Variants in MRPL1 observed in about 807,000 individuals in gnomAD.
The protein encoded by MRPL1 is mitochondrial ribosomal protein L1, also known as large ribosomal subunit protein uL1m.
In MRPL1, 28 loss-of-function variants were observed where a neutral mutation model predicts 38.0. The observed-to-expected ratio is 0.74, with a 90% confidence interval of 0.55 to 1.01. MRPL1 has a LOEUF of 1.01. MRPL1 is among the 50% of genes least tolerant of loss of function. The pLI is 0.00. For missense variants in MRPL1, 358 were observed against 389.8 expected (o/e 0.92, Z 0.69); for synonymous variants, 123 against 126.7 (o/e 0.97, Z 0.20).
chr4:77,883,337 G>A lies in MRPL1; in HGVS notation c.239G>A (p.Gly80Asp), dbSNP rs755691508. ...EKIKAYPYMEGEPEDDVYLKR... is the reference protein window; with the variant it reads ...EKIKAYPYMEDEPEDDVYLKR... Reference sequence around the variant, plus strand: ...ATAAAAGCATATCCCTATATGGAAGGCGAACCTGAGGATGATGTCTATTTA... The same window carrying A: ...ATAAAAGCATATCCCTATATGGAAGACGAACCTGAGGATGATGTCTATTTA... The change falls in exon 3 of 9, where the codon GGC (glycine) becomes GAC (aspartate). Residue 80 changes from glycine (G) to aspartate (D), a missense_variant. By Grantham distance (94) the Gly-to-Asp change is moderately conservative (BLOSUM62 -1). Coordinates refer to ENST00000315567, the MANE Select transcript of MRPL1 (RefSeq NM_020236.4). 17 of 1,613,500 alleles carry A rather than the reference G, an allele frequency of 1.1e-5. 1 individual carries two copies. The South Asian group carries it at 1.8e-4, about 17-fold the overall frequency.
rs1204549425 is a variant in MRPL1, at chr4:77,909,382, A to G, written c.777+10A>G. The G allele has an allele frequency of 7.1e-7, 1 of 1,410,922 alleles. No individual in the cohort carries two copies. The highest frequency in any genetic ancestry group is 1.9e-5 in the Admixed American group (1 of 53,766). 87.4% of individuals were successfully genotyped at this position (1,410,922 alleles called of 1,614,324 possible). Reference sequence around the variant, plus strand: ...GACCAAAATAGCAACAGTAAGTTACAATGAAAATTATCAAATAATCCTCTT... The same window carrying G: ...GACCAAAATAGCAACAGTAAGTTACGATGAAAATTATCAAATAATCCTCTT... On this transcript the variant is annotated intron_variant, in intron 7 of 8. Transcript: ENST00000315567.
intron 2 of MRPL1, 92 bp from the exon 3 acceptor site, chr4:77,883,147 CTTT>C: frequency 1.3e-6 from 1 of 774,762 alleles, no homozygotes; most frequent in South Asian, 2.8e-5. Context: ...ATAATTCATC[CTTT>C]GTTTTTTTTT....
At chr4:77,915,645 C>A (rs1455163571) in intron 7 of MRPL1, among the ~76,000 whole-genome samples, 2 of 152,154 alleles carry the variant, frequency 1.3e-5, no homozygotes, top group African/African-American at 4.8e-5. Context: ...AACTCCTGGG[C>A]CCAAGTGATC....
chr4:77,925,630 A>T (rs533120517), intron 7 of MRPL1, among the ~76,000 whole-genome samples: 170 of 151,058 alleles, frequency 1.1e-3, no homozygotes, highest in African/African-American at 4.1e-3. Flanking sequence ...TTTTCTGATT[A>T]TCTAAGTTAT....
At chr4:77,919,527 G>GTTTCT (rs1413603234) in intron 7 of MRPL1, among the ~76,000 whole-genome samples, 52 of 152,054 alleles carry the variant, frequency 3.4e-4, no homozygotes, top group Non-Finnish European at 1.5e-4. Context: ...ACAAAGAAAA[G>GTTTCT]TGATAGCATT....
At chr4:77,874,945 CT>C (rs1332085684) in intron 2 of MRPL1, among the ~76,000 whole-genome samples, 4 of 151,708 alleles carry the variant, frequency 2.6e-5, no homozygotes, top group Non-Finnish European at 5.9e-5. Flanking sequence ...CAACGCCCGG[CT>C]AATTTTTTTT....
chr4:77,868,874 G>T (rs554852132), intron 1 of MRPL1, among the ~76,000 whole-genome samples: 1 of 152,182 alleles, frequency 6.6e-6, no homozygotes, highest in Non-Finnish European at 1.5e-5. Context: ...GTAGTAGCTC[G>T]TGGAGTACCT....
intron 5 of MRPL1, among the ~76,000 whole-genome samples, chr4:77,888,178 G>T (rs571685658): frequency 1.3e-5 from 2 of 152,236 alleles, no homozygotes; most frequent in South Asian, 4.1e-4. Flanking sequence ...CAGTATGGTA[G>T]CAACAAGTGA....
chr4:77,865,767 G>A (rs565307451), intron 1 of MRPL1, among the ~76,000 whole-genome samples: 1 of 152,258 alleles, frequency 6.6e-6, no homozygotes, highest in Non-Finnish European at 1.5e-5. Flanking sequence ...CTGCCCCACT[G>A]CAGCTACCTT....
At chr4:77,873,572 T>C (rs752952020) in intron 2 of MRPL1, among the ~76,000 whole-genome samples, 1 of 152,236 alleles carries the variant, frequency 6.6e-6, no homozygotes, top group Non-Finnish European at 1.5e-5. Flanking sequence ...TATATTCTTA[T>C]TTCCATAAAC....
chr4:77,952,359 A>G (rs1481452753), intron 8 of MRPL1, 130 bp from the exon 9 acceptor site: 7 of 703,914 alleles, frequency 9.9e-6, no homozygotes, highest in African/African-American at 9.0e-5. Context: ...TGGTTTCTTT[A>G]TAAGTTGTTT....
At chr4:77,863,488 G>A (rs1279721833) in intron 1 of MRPL1, among the ~76,000 whole-genome samples, 1 of 86,898 alleles carries the variant, frequency 1.2e-5, no homozygotes, top group South Asian at 3.9e-4. Context: ...TTTTTGAGAC[G>A]GCAGTCTCGC....
chr4:77,931,732 G>C (rs150182313), intron 7 of MRPL1, among the ~76,000 whole-genome samples: 2 of 152,340 alleles, frequency 1.3e-5, no homozygotes, highest in East Asian at 1.9e-4. Context: ...TGACTGGACA[G>C]CTTTCTGGTT....
At position 77,862,884 on chromosome 4, in the gene MRPL1, G is replaced by A. The variant is rs1194871406; in HGVS notation, c.31+5G>A. 2 of 1,614,176 alleles carry A rather than the reference G, an allele frequency of 1.2e-6. No homozygotes were observed. Among genetic ancestry groups the A allele is most frequent in the African/African-American group, 2.7e-5 (2 of 75,058 alleles). Reference sequence around the variant, plus strand: ...CCGTAAGGTGCATGGGTAGAGGTAAGGCGAGGGGTTGTCTTGCAGGGGAAA... The same window carrying A: ...CCGTAAGGTGCATGGGTAGAGGTAAAGCGAGGGGTTGTCTTGCAGGGGAAA... On this transcript the variant is annotated splice_donor_5th_base_variant and intron_variant, in intron 1 of 8. Coordinates refer to ENST00000315567, the MANE Select transcript of MRPL1 (RefSeq NM_020236.4).
At chr4:77,913,603 C>T (rs1305516987) in intron 7 of MRPL1, among the ~76,000 whole-genome samples, 4 of 152,168 alleles carry the variant, frequency 2.6e-5, no homozygotes, top group Admixed American at 2.6e-4. Flanking sequence ...TAAAGTTGCA[C>T]ATCCGCCTAC....
chr4:77,918,529 T>C (rs1450707286), intron 7 of MRPL1, among the ~76,000 whole-genome samples: 1 of 152,164 alleles, frequency 6.6e-6, no homozygotes, highest in Non-Finnish European at 1.5e-5. Context: ...CTTACAAGCA[T>C]GTGAGCTATT....
At chr4:77,894,114 T>A in intron 5 of MRPL1, 25 bp from the exon 6 acceptor site, 1 of 1,346,264 alleles carries the variant, frequency 7.4e-7, no homozygotes, top group Admixed American at 1.9e-5. Flanking sequence ...TCATCTGAGG[T>A]CACCTTTTTT....
At chr4:77,864,077 CAA>C (rs373146672) in intron 1 of MRPL1, among the ~76,000 whole-genome samples, 5 of 146,878 alleles carry the variant, frequency 3.4e-5, no homozygotes, top group Non-Finnish European at 7.4e-5. Context: ...TTAGGGGTGA[CAA>C]GAGATAACAA....
intron 7 of MRPL1, among the ~76,000 whole-genome samples, chr4:77,946,341 T>G (rs1366235207): frequency 3.3e-5 from 5 of 151,164 alleles, no homozygotes; most frequent in African/African-American, 4.9e-5. Flanking sequence ...CTGTTCTTTT[T>G]GAAAGTGCAC....
Sources: allele counts gnomAD v4.1 joint callset (sites outside exome capture counted in the v4.1 genomes callset), GRCh38; gene constraint gnomAD v4.1.1; transcripts MANE v1.5; gene names NCBI Gene and HGNC (gene_info 2026-07-23, HGNC 2026-07-21).